PEX16: variants seen among roughly 807,000 people sequenced by gnomAD.
The protein encoded by PEX16 is peroxisomal biogenesis factor 16.
Under a neutral mutation model 50.5 loss-of-function variants are expected in PEX16, and 37 were observed. The ratio of observed to expected loss-of-function variants is 0.73; its 90% confidence interval spans 0.56 to 0.96. The LOEUF is 0.96. Among genes scored for constraint, PEX16 ranks in the 40% least tolerant of loss-of-function variants. PEX16 has a pLI of 0.00. For missense variants in PEX16, 401 were observed against 438.3 expected (o/e 0.91, Z 0.76); for synonymous variants, 185 against 190.3 (o/e 0.97, Z 0.23).
Position 45,915,544 on chromosome 11 carries a change from CA to C in PEX16, c.383del (p.Leu128ArgfsTer79). The stretch of plus-strand genomic sequence containing the variant: ...TCTGGAGGCCAGCCTTGAACCAGAG[CA>C]GCAGGAGCATCCGCAGTACAGCCCT... ...LAKAVLRMLLLLWFKAGLQTS... is the reference protein window; with the variant it reads ...LAKAVLRMLLXLWFKAGLQTS... On this transcript the variant is annotated frameshift_variant, in exon 5 of 11. Transcript: ENST00000378750. LOFTEE classifies it high-confidence loss of function. 1 of 1,614,156 alleles carries C rather than the reference CA, an allele frequency of 6.2e-7. No individual in the cohort carries two copies. Among genetic ancestry groups the C allele is most frequent in the Non-Finnish European group, 8.5e-7 (1 of 1,180,020 alleles).
intron 9 of PEX16, among the ~76,000 whole-genome samples, 196 bp from the exon 10 acceptor site, chr11:45,911,158 C>G (rs2086774594): frequency 6.6e-6 from 1 of 152,256 alleles, no homozygotes. Context: ...GGCCTCCACC[C>G]TCCACCAGCT....
chr11:45,910,840 G>A (rs2086769586), intron 10 of PEX16, 58 bp downstream of exon 10: 1 of 1,388,790 alleles, frequency 7.2e-7, no homozygotes, highest in Non-Finnish European at 1.0e-6. Flanking sequence ...AGTCAGGGAG[G>A]TGCTTGCATG....
chr11:45,917,788 G>A lies in PEX16; in HGVS notation c.24C>T (p.Gly8=), dbSNP rs368789483. MEKLRLL[G]LRYQEYVTRH... ...GAGTCACGTACTCCTGGTAGCGGAG[G>A]CCCAGGAGCCGCAGCTTCTCCATCC... Residue 8 remains glycine (G), a synonymous_variant, in exon 1 of 11, where the codon GGC becomes GGT. Transcript: ENST00000378750. 2.7e-5 allele frequency: 41 copies of A among 1,545,614 alleles called. No homozygotes were observed. In the African/African-American group the frequency reaches 4.6e-4, roughly 17 times the overall value.
Position 45,913,880 on chromosome 11 carries a change from G to C in PEX16, c.826C>G (p.Arg276Gly), listed in dbSNP as rs762568886. The C allele has an allele frequency of 6.2e-7, 1 of 1,612,156 alleles. No individual in the cohort carries two copies. Among genetic ancestry groups the C allele is most frequent in the South Asian group, 1.1e-5 (1 of 91,038 alleles). The change falls in exon 9 of 11, where the codon CGC becomes GGC. Residue 276 changes from arginine to glycine, a missense_variant. Physicochemically the swap from Arg to Gly is moderately radical, Grantham distance 125 (BLOSUM62 -2). Coordinates refer to ENST00000378750, the MANE Select transcript of PEX16 (RefSeq NM_004813.4). Reference sequence around the variant, plus strand: ...TAGTAGAGCAGCAGGATGGTCCGGCGCCGCAGCTCCCGCCGCTCCCTCCGG... The same window carrying C: ...TAGTAGAGCAGCAGGATGGTCCGGCCCCGCAGCTCCCGCCGCTCCCTCCGG... ...LTRRERRELR[R>G]RTILLLYYLL... is the part of the protein sequence containing the mutation.
rs560479658 is a variant in PEX16 at position 45,917,164 on chromosome 11, T to C, written c.148+294A>G. 186 of 682,258 alleles carry C rather than the reference T, an allele frequency of 2.7e-4. No individual in the cohort carries two copies. The African/African-American group carries it at 3.0e-3, about 11-fold the overall frequency. 42.3% of individuals were successfully genotyped at this position (682,258 alleles called of 1,614,324 possible). A position where few individuals can be genotyped will look rare whatever the true frequency, so the allele number is the denominator to read the frequency against. ...TTCCTTAAATGGACAGTGATGACAA[T>C]AAGTACCACTTAATATGACTGTAGG... is the stretch of plus-strand genomic sequence containing the variant. On this transcript the variant is annotated intron_variant, in intron 2 of 10. Transcript: ENST00000378750.
Position 45,914,609 on chromosome 11 carries a change from T to G in PEX16, c.536A>C (p.Gln179Pro), listed in dbSNP as rs2086814221. The G allele has an allele frequency of 6.2e-7, 1 of 1,614,190 alleles. No individual in the cohort carries two copies. The highest frequency in any genetic ancestry group is 2.2e-5 in the East Asian group (1 of 44,888). The change falls in exon 6 of 11, where the codon CAG becomes CCG. Residue 179 changes from glutamine to proline, a missense_variant. By Grantham distance (76) the Gln-to-Pro change is moderately conservative (BLOSUM62 -1). Transcript: ENST00000378750. ...CAGCCACATCCTCCACTTACTGTTC[T>G]GGAGGGTTCGCACCACCCGGTTTGA... ...KRSNRVVRTL[Q>P]NTPSLHSRHW...
intron 9 of PEX16, among the ~76,000 whole-genome samples, chr11:45,913,569 C>A (rs1392211428): frequency 6.6e-6 from 1 of 152,244 alleles, no homozygotes; most frequent in Non-Finnish European, 1.5e-5. Context: ...GGCCACCTGG[C>A]AATGCCCTCA....
chr11:45,913,214 TC>T, intron 9 of PEX16, among the ~76,000 whole-genome samples: 3 of 152,186 alleles, frequency 2.0e-5, no homozygotes, highest in Non-Finnish European at 2.9e-5. Context: ...GCACAGGGTT[TC>T]CCCCTGTCAG....
chr11:45,918,265 T>A, upstream of PEX16: 2 of 267,266 alleles, frequency 7.5e-6, no homozygotes, highest in Non-Finnish European at 7.5e-6. Flanking sequence ...GGCCGGATTT[T>A]AAAGGGCTGA....
At position 45,914,436 on chromosome 11, in the gene PEX16, G is replaced by A. The variant is rs1424342604; in HGVS notation, c.574C>T (p.Pro192Ser). 2.5e-6 allele frequency: 4 copies of A among 1,608,582 alleles called. No homozygotes were observed. In the Admixed American group the frequency reaches 5.0e-5, roughly 20 times the overall value. The stretch of plus-strand genomic sequence containing the variant: ...TGCTGCCGTCCCTCCCGCTGCTGGG[G>A]AGCTCCCCAGTGCCTGGAGTGCAGG... ...PSLHSRHWGA[P>S]QQREGRQQQH... Residue 192 changes from proline to serine, a missense_variant, in exon 7 of 11, where the codon CCC becomes TCC. Coordinates refer to ENST00000378750, the MANE Select transcript of PEX16 (RefSeq NM_004813.4).
intron 8 of PEX16, 31 bp downstream of exon 8, chr11:45,914,100 A>C (rs1393753069): frequency 6.3e-7 from 1 of 1,582,660 alleles, no homozygotes; most frequent in Non-Finnish European, 8.6e-7. Context: ...AGCCCAGTGG[A>C]GAGTGAAGCC....
rs2086757054 is a variant in PEX16 at position 45,909,894 on chromosome 11, G to C, written c.*360C>G. ...GCCATCACCCGGGTTCAGGCTTCCT[G>C]TCCTCACCAGGGGCCAGCGAGAGAG... On this transcript the variant is annotated 3_prime_UTR_variant, in exon 11 of 11. Coordinates refer to ENST00000378750, the MANE Select transcript of PEX16 (RefSeq NM_004813.4). 1 of 615,954 alleles carries C rather than the reference G, an allele frequency of 1.6e-6. No individual in the cohort carries two copies. Among genetic ancestry groups the C allele is most frequent in the Admixed American group, 2.6e-5 (1 of 38,608 alleles). The allele number at this position is 615,954 out of a possible 1,614,324, so 38.2% of individuals were successfully genotyped here. A position where few individuals can be genotyped will look rare whatever the true frequency, so the allele number is the denominator to read the frequency against.
At position 45,910,207 on chromosome 11, in the gene PEX16, G is replaced by C; in HGVS notation, c.*47C>G. The C allele has an allele frequency of 6.2e-7, 1 of 1,613,026 alleles. No individual in the cohort carries two copies. Among genetic ancestry groups the C allele is most frequent in the Non-Finnish European group, 8.5e-7 (1 of 1,179,854 alleles). ...CGGAGTCAGTTTTATTAGGGAAGAG[G>C]GGCTCCCTGCCCCACCCCTCCCCAC... On this transcript the variant is annotated 3_prime_UTR_variant, in exon 11 of 11. Coordinates refer to ENST00000378750, the MANE Select transcript of PEX16 (RefSeq NM_004813.4).
upstream of PEX16, chr11:45,918,384 C>G (rs2134701136): frequency 5.5e-6 from 1 of 181,316 alleles, no homozygotes; most frequent in East Asian, 1.4e-4. Flanking sequence ...GCCAGTATCC[C>G]CATCTCCGTT....
chr11:45,916,672 A>G (rs946858092), intron 2 of PEX16, among the ~76,000 whole-genome samples: 1 of 151,952 alleles, frequency 6.6e-6, no homozygotes, highest in African/African-American at 2.4e-5. Flanking sequence ...TTCCACCTCC[A>G]CTTTTCTTTT....
chr11:45,913,108 C>A (rs1362508433), intron 9 of PEX16, among the ~76,000 whole-genome samples: 1 of 152,082 alleles, frequency 6.6e-6, no homozygotes, highest in African/African-American at 2.4e-5. Flanking sequence ...TAGGTGTGAG[C>A]CACTGCTGCC....
At chr11:45,913,969 AGG>A in intron 8 of PEX16, 31 bp from the exon 9 acceptor site, 8 of 1,610,564 alleles carry the variant, frequency 5.0e-6, no homozygotes, top group Non-Finnish European at 5.9e-6. Context: ...GGTCAGGGCC[AGG>A]GGCATGATCT....
chr11:45,910,386 C>A (rs1334177527), intron 10 of PEX16, 74 bp from the exon 11 acceptor site: 7 of 1,262,438 alleles, frequency 5.5e-6, no homozygotes, highest in Non-Finnish European at 8.1e-6. Context: ...CAGCACCTCA[C>A]CCCTGCGGCC....
intron 9 of PEX16, among the ~76,000 whole-genome samples, chr11:45,912,287 AGGAGAT>A (rs1565079746): frequency 9.2e-5 from 14 of 152,206 alleles, no homozygotes; most frequent in Non-Finnish European, 1.8e-4. Flanking sequence ...TCACGAGGTC[AGGAGAT>A]CGAGACCATC....
Sources: gnomAD v4.1 joint callset for allele counts (sites outside exome capture counted in the v4.1 genomes callset) on GRCh38, gnomAD v4.1.1 for gene constraint, MANE v1.5 for transcripts, NCBI Gene and HGNC (gene_info 2026-07-23, HGNC 2026-07-21) for gene names.